Variants in CRACD observed in about 807,000 individuals in gnomAD.
CRACD encodes the protein capping protein inhibiting regulator of actin dynamics.
CRACD carries 56 observed loss-of-function variants against 106.8 expected under a neutral mutation model. That is an observed-to-expected ratio of 0.52 (90% confidence interval 0.42 to 0.66). The LOEUF is 0.66. Among genes scored for constraint, CRACD ranks in the 30% least tolerant of loss-of-function variants. The pLI, the probability that CRACD is intolerant of heterozygous loss-of-function variation, is 0.00. For missense variants in CRACD, 1,730 were observed against 1,623.2 expected (o/e 1.07, Z -1.13); for synonymous variants, 754 against 670.8 (o/e 1.12, Z -1.92).
At position 56,186,740 on chromosome 4, in the gene CRACD, T is replaced by C. The variant is rs140014851; in HGVS notation, c.-189+7310T>C. Among the ~76,000 whole-genome samples the C allele has an allele frequency of 3.9e-5, 6 of 152,278 alleles. 1 individual carries two copies. The highest frequency in any genetic ancestry group is 1.4e-4 in the African/African-American group (6 of 41,572). On this transcript the variant is annotated intron_variant, in intron 2 of 10. Coordinates refer to ENST00000682029, the MANE Select transcript of CRACD (RefSeq NM_001393381.1). ...GAGAACTGTAAGTAGTTGTATCTTG[T>C]CTGTCCTCCATGATAGGATGTAGCT...
At chr4:56,281,146 C>G (rs1488082508) in intron 3 of CRACD, among the ~76,000 whole-genome samples, 1 of 152,156 alleles carries the variant, frequency 6.6e-6, no homozygotes, top group Non-Finnish European at 1.5e-5. Flanking sequence ...CCAGGCCGCA[C>G]AGCAGGGGGT....
chr4:56,071,824 C>T (rs1388162586), intron 1 of CRACD, among the ~76,000 whole-genome samples: 1 of 148,672 alleles, frequency 6.7e-6, no homozygotes, highest in African/African-American at 2.5e-5. Flanking sequence ...CTCTTTTATA[C>T]TTATAAAAGT....
intron 2 of CRACD, among the ~76,000 whole-genome samples, chr4:56,214,273 TAAC>T (rs551381169): frequency 2.0e-3 from 305 of 152,078 alleles, no homozygotes; most frequent in Middle Eastern, 0.01. Flanking sequence ...TAAAAAAAAA[TAAC>T]AAACCTGCAC....
chr4:56,057,268 T>C (rs990316853), intron 1 of CRACD, among the ~76,000 whole-genome samples: 1 of 152,130 alleles, frequency 6.6e-6, no homozygotes, highest in Non-Finnish European at 1.5e-5. Context: ...TGCTAATAGG[T>C]TAGGGGCTCA....
chr4:56,308,952 G>T, intron 5 of CRACD: 2 of 1,276,284 alleles, frequency 1.6e-6, no homozygotes, highest in Non-Finnish European at 2.0e-6. Flanking sequence ...GTATTACAGA[G>T]GTGAGCAAGA....
At chr4:56,169,616 C>T (rs530537125) in intron 1 of CRACD, among the ~76,000 whole-genome samples, 33 of 152,248 alleles carry the variant, frequency 2.2e-4, no homozygotes, top group African/African-American at 7.0e-4. Context: ...CCCACCGCAG[C>T]CTCCCAAGTA....
chr4:56,290,401 A>C (rs1238155917), intron 3 of CRACD, among the ~76,000 whole-genome samples: 1 of 152,216 alleles, frequency 6.6e-6, no homozygotes, highest in Non-Finnish European at 1.5e-5. Flanking sequence ...AAGATTGATG[A>C]ATTCATGTTA....
chr4:56,087,369 T>C (rs901175649), intron 1 of CRACD, among the ~76,000 whole-genome samples: 4 of 152,198 alleles, frequency 2.6e-5, no homozygotes, highest in African/African-American at 9.6e-5. Flanking sequence ...TTTTCAGTCC[T>C]TTCCTAACTC....
At chr4:56,101,760 CAAAAA>C (rs60106850) in intron 1 of CRACD, among the ~76,000 whole-genome samples, 4 of 103,298 alleles carry the variant, frequency 3.9e-5, no homozygotes, top group African/African-American at 3.4e-5. Flanking sequence ...AAGACTGTCT[CAAAAA>C]AAAAAAAAAA....
At chr4:56,128,657 C>T (rs779839922) in intron 1 of CRACD, among the ~76,000 whole-genome samples, 6 of 152,074 alleles carry the variant, frequency 3.9e-5, no homozygotes, top group East Asian at 1.9e-4. Flanking sequence ...AGTTTCTGTA[C>T]GTAGGAGGCT....
chr4:56,107,325 A>C (rs573271805), intron 1 of CRACD, among the ~76,000 whole-genome samples: 1 of 152,136 alleles, frequency 6.6e-6, no homozygotes, highest in African/African-American at 2.4e-5. Context: ...GTTATCAGCA[A>C]TCTTAGTGCC....
chr4:56,085,869 GTTAT>G (rs527266187), intron 1 of CRACD, among the ~76,000 whole-genome samples: 1 of 152,116 alleles, frequency 6.6e-6, no homozygotes, highest in Non-Finnish European at 1.5e-5. Context: ...GGAAGCAAGA[GTTAT>G]TTATTTATCT....
At chr4:56,139,181 G>A (rs1184507987) in intron 1 of CRACD, among the ~76,000 whole-genome samples, 1 of 152,084 alleles carries the variant, frequency 6.6e-6, no homozygotes, top group African/African-American at 2.4e-5. Flanking sequence ...TACTTGATTT[G>A]TGAGATTGCT....
rs772362178 is a variant in CRACD, at chr4:56,313,259, T to C, written c.417T>C (p.Ser139=). The change falls in exon 7 of 11, where the codon AGT becomes AGC. Residue 139 remains serine (S), a synonymous_variant. Transcript: ENST00000682029. ...TCTCTTCTGCTGGCACCATCGAAAG[T>C]GTCAACTTAGATGCCATCCCCCTGG... ...RHFSSAGTIE[S]VNLDAIPLAI... is the part of the protein sequence containing the mutation. The C allele has an allele frequency of 6.2e-7, 1 of 1,614,170 alleles. No individual in the cohort carries two copies. Among genetic ancestry groups the C allele is most frequent in the East Asian group, 2.2e-5 (1 of 44,874 alleles).
rs185831730 is a variant in CRACD at position 56,096,503 on chromosome 4, A to T, written c.-336+47204A>T. On this transcript the variant is annotated intron_variant, in intron 1 of 10. Coordinates refer to ENST00000682029, the MANE Select transcript of CRACD (RefSeq NM_001393381.1). ...CAAGGCAGGTGGATTGCTTGAGCCCAGGAGTTCAAGACCAGCCTGGATGAC... is the reference window on the plus strand; with the variant it reads ...CAAGGCAGGTGGATTGCTTGAGCCCTGGAGTTCAAGACCAGCCTGGATGAC... Among the ~76,000 whole-genome samples the T allele has an allele frequency of 3.3e-4, 50 of 152,284 alleles. 1 individual carries two copies. Among genetic ancestry groups the T allele is most frequent in the Admixed American group, 2.2e-3 (33 of 15,292 alleles).
intron 1 of CRACD, among the ~76,000 whole-genome samples, chr4:56,157,420 T>A (rs1314175294): frequency 1.3e-5 from 2 of 152,184 alleles, no homozygotes; most frequent in Non-Finnish European, 2.9e-5. Context: ...ATTCCTAATA[T>A]CTAGTAGAAG....
intron 6 of CRACD, 55 bp downstream of exon 6, chr4:56,310,789 T>TAC: frequency 1.2e-6 from 1 of 815,710 alleles, no homozygotes; most frequent in Non-Finnish European, 1.9e-6. Context: ...ACTTTCATCT[T>TAC]CCCCCCCCCT....
Position 56,316,381 on chromosome 4 carries a change from A to G in CRACD, c.2879A>G (p.Lys960Arg), listed in dbSNP as rs2109779539. 6.2e-7 allele frequency: 1 copy of G among 1,614,120 alleles called. No homozygotes were observed. Among genetic ancestry groups the G allele is most frequent in the African/African-American group, 1.3e-5 (1 of 75,066 alleles). ...GCAAACAAAATGCCACTGGCACAAA[A>G]GCCAGCACTGGCTCCCAAGCCCACC... is the stretch of plus-strand genomic sequence containing the variant. Reference protein sequence around the residue: ...KAANKMPLAQKPALAPKPTSQ... With the variant: ...KAANKMPLAQRPALAPKPTSQ... Residue 960 changes from lysine to arginine, a missense_variant, in exon 8 of 11, where the codon AAG becomes AGG. Physicochemically the swap from Lys to Arg is conservative, Grantham distance 26. Coordinates refer to ENST00000682029, the MANE Select transcript of CRACD (RefSeq NM_001393381.1).
Position 56,328,621 on chromosome 4 carries a change from T to C in CRACD, c.*817T>C, listed in dbSNP as rs1746620836. The C allele has an allele frequency of 3.1e-6, 1 of 322,998 alleles. No individual in the cohort carries two copies. The highest frequency in any genetic ancestry group is 2.2e-5 in the African/African-American group (1 of 45,936). The allele number at this position is 322,998 out of a possible 1,614,324, so 20.0% of individuals were successfully genotyped here. A position where few individuals can be genotyped will look rare whatever the true frequency, so the allele number is the denominator to read the frequency against. ...CTAGGGCAGTAGTTCTTATGATGTG[T>C]AGGCTCCCTCCTAGGGCCTACTCAA... On this transcript the variant is annotated 3_prime_UTR_variant, in exon 11 of 11. Transcript: ENST00000682029.
Sources: gnomAD v4.1 joint callset for allele counts (sites outside exome capture counted in the v4.1 genomes callset) on GRCh38, gnomAD v4.1.1 for gene constraint, MANE v1.5 for transcripts, NCBI Gene and HGNC (gene_info 2026-07-23, HGNC 2026-07-21) for gene names.